The following TECPR2 variants were observed in gnomAD, a reference collection of about 807,000 sequenced individuals.
TECPR2 encodes tectonin beta-propeller repeat containing 2, also known as tectonin beta-propeller repeat-containing protein 2.
In TECPR2, 65 loss-of-function variants were observed where a neutral mutation model predicts 138.1. That is an observed-to-expected ratio of 0.47 (90% CI 0.39 to 0.58). The LOEUF (loss-of-function observed/expected upper bound fraction) is 0.58. Ranked by LOEUF, TECPR2 falls within the 20% of genes least tolerant of loss-of-function variation. The pLI, the probability that TECPR2 is intolerant of heterozygous loss-of-function variation, is 0.00. For synonymous variants in TECPR2, 746 were observed against 749.8 expected, an observed-to-expected ratio of 0.99 and a Z score of 0.08; for missense variants, 1,553 against 1,824.5, an observed-to-expected ratio of 0.85 and a Z score of 2.71.
intron 8 of TECPR2, 87 bp from the exon 9 acceptor site, chr14:102,434,148 T>C: frequency 7.0e-6 from 9 of 1,279,442 alleles, no homozygotes; most frequent in Non-Finnish European, 9.0e-6. Context: ...AAATTTTTTT[T>C]CTTGAGCCAA....
At chr14:102,396,277 AT>A (rs1461180575) in intron 2 of TECPR2, among the ~76,000 whole-genome samples, 2 of 151,686 alleles carry the variant, frequency 1.3e-5, no homozygotes, top group African/African-American at 4.8e-5. Flanking sequence ...TAGTTTTTGT[AT>A]TTTTAGTAGA....
intron 11 of TECPR2, among the ~76,000 whole-genome samples, chr14:102,442,292 T>C (rs1889856780): frequency 6.6e-6 from 1 of 152,256 alleles, no homozygotes; most frequent in Admixed American, 6.5e-5. Flanking sequence ...TTTTAATCAC[T>C]GCTGTGAGTC....
chr14:102,441,910 C>G (rs1332414845), intron 11 of TECPR2, among the ~76,000 whole-genome samples: 1 of 152,178 alleles, frequency 6.6e-6, no homozygotes, highest in Non-Finnish European at 1.5e-5. Flanking sequence ...CGTCAGTTGT[C>G]CAGAGGCCAC....
chr14:102,444,454 C>A (rs1889915691), intron 12 of TECPR2, among the ~76,000 whole-genome samples: 1 of 152,012 alleles, frequency 6.6e-6, no homozygotes, highest in African/African-American at 2.4e-5. Context: ...CCTGCCTTGG[C>A]CTCCCAAAGT....
chr14:102,498,694 A>C lies in TECPR2; in HGVS notation c.*437A>C. 1 of 412,150 alleles carries C rather than the reference A, an allele frequency of 2.4e-6. No individual in the cohort carries two copies. Among genetic ancestry groups the C allele is most frequent in the South Asian group, 2.0e-5 (1 of 50,808 alleles). 25.5% of individuals were successfully genotyped at this position (412,150 alleles called of 1,614,324 possible). ...ATGGAGCCAAAGGTCAGCTCTCTGC[A>C]GCGCGGGATGTGCTCGGTGATGGCT... On this transcript the variant is annotated 3_prime_UTR_variant, in exon 20 of 20. Coordinates refer to ENST00000359520, the MANE Select transcript of TECPR2 (RefSeq NM_014844.5).
Position 102,363,008 on chromosome 14 carries a change from C to A in TECPR2, c.-181C>A. 2 of 978,580 alleles carry A rather than the reference C, an allele frequency of 2.0e-6. No individual in the cohort carries two copies. Among genetic ancestry groups the A allele is most frequent in the South Asian group, 1.6e-5 (1 of 63,392 alleles). 60.6% of individuals were successfully genotyped at this position (978,580 alleles called of 1,614,324 possible). ...TGCTCTTCGGTGCTGGCCCCGGTGCCGGCCCCGTTGCCCAGGGAACAGGCT... is the reference window on the plus strand; with the variant it reads ...TGCTCTTCGGTGCTGGCCCCGGTGCAGGCCCCGTTGCCCAGGGAACAGGCT... On this transcript the variant is annotated 5_prime_UTR_variant, in exon 1 of 20. Transcript: ENST00000359520.
chr14:102,442,981 A>G (rs1391441475), intron 11 of TECPR2, among the ~76,000 whole-genome samples: 8 of 152,242 alleles, frequency 5.3e-5, no homozygotes, highest in African/African-American at 9.6e-5. Context: ...ACTGCCTTGC[A>G]GTTTGACAGA....
intron 16 of TECPR2, among the ~76,000 whole-genome samples, chr14:102,458,331 G>A (rs1821148075): frequency 6.6e-6 from 1 of 152,162 alleles, no homozygotes; most frequent in South Asian, 2.1e-4. Context: ...TTGCTGTACT[G>A]CAGTAGCTGC....
At chr14:102,423,664 C>T (rs898508753) in intron 5 of TECPR2, among the ~76,000 whole-genome samples, 8 of 152,074 alleles carry the variant, frequency 5.3e-5, no homozygotes, top group Non-Finnish European at 7.4e-5. Context: ...GTTCACACAA[C>T]GAAGACATCG....
At chr14:102,371,831 T>A (rs1253307373) in intron 1 of TECPR2, among the ~76,000 whole-genome samples, 1 of 152,192 alleles carries the variant, frequency 6.6e-6, no homozygotes, top group Non-Finnish European at 1.5e-5. Context: ...TCACTAAAAA[T>A]CACATTCTAG....
intron 10 of TECPR2, among the ~76,000 whole-genome samples, chr14:102,439,116 A>G (rs3783377): frequency 0.042 from 6,344 of 152,002 alleles, 158 homozygotes; most frequent in Middle Eastern, 0.092. Context: ...CGCCCGCCTC[A>G]GCCTCCCAAA....
chr14:102,494,493 A>C (rs1891230612), intron 17 of TECPR2, among the ~76,000 whole-genome samples: 2 of 151,848 alleles, frequency 1.3e-5, no homozygotes, highest in Admixed American at 6.6e-5. Context: ...CAGTGAGCCA[A>C]GATCACGCCA....
chr14:102,436,137 GA>G (rs536373368), intron 9 of TECPR2, among the ~76,000 whole-genome samples: 12 of 152,134 alleles, frequency 7.9e-5, no homozygotes, highest in Admixed American at 3.3e-4. Flanking sequence ...CCATTTTACA[GA>G]GGAGAAAATG....
At chr14:102,408,460 T>G (rs1449784839) in intron 3 of TECPR2, 28 bp from the exon 4 acceptor site, 3 of 1,580,776 alleles carry the variant, frequency 1.9e-6, no homozygotes, top group Non-Finnish European at 2.6e-6. Flanking sequence ...TTTTTTTTCT[T>G]GTGTATATTT....
At position 102,426,166 on chromosome 14, in the gene TECPR2, G is replaced by A. The variant is rs569387539; in HGVS notation, c.951+875G>A. ...CTCCCAAAGTGCTGGGGTTACAGGC[G>A]TGAACCGCCGCGCCCGGCCGCCACT... is the stretch of plus-strand genomic sequence containing the variant. On this transcript the variant is annotated intron_variant, in intron 6 of 19. Transcript: ENST00000359520. Among the ~76,000 whole-genome samples the A allele has an allele frequency of 3.2e-3, 487 of 151,806 alleles. 2 individuals are homozygous for A. Among genetic ancestry groups the A allele is most frequent in the African/African-American group, 0.011 (464 of 41,430 alleles).
chr14:102,438,262 C>T, intron 10 of TECPR2, 57 bp downstream of exon 10: 4 of 1,550,472 alleles, frequency 2.6e-6, no homozygotes, highest in Non-Finnish European at 3.5e-6. Context: ...CTCCTGCTCC[C>T]CGCCCCCGGG....
chr14:102,497,591 C>T lies in TECPR2; in HGVS notation c.3953C>T (p.Ala1318Val), dbSNP rs769474613. ...HVPGLQACQLALSTRTVWARC... is the reference protein window; with the variant it reads ...HVPGLQACQLVLSTRTVWARC... ...ACAGGGTTGCAGGCCTGCCAGCTGGCGCTGAGCACCAGGACCGTGTGGGCC... is the reference window on the plus strand; with the variant it reads ...ACAGGGTTGCAGGCCTGCCAGCTGGTGCTGAGCACCAGGACCGTGTGGGCC... Residue 1318 changes from alanine (A) to valine (V), a missense_variant, in exon 19 of 20, where the codon GCG becomes GTG. Physicochemically the swap from Ala to Val is moderately conservative, Grantham distance 64. Coordinates refer to ENST00000359520, the MANE Select transcript of TECPR2 (RefSeq NM_014844.5). The T allele has an allele frequency of 5.6e-6, 9 of 1,603,530 alleles. No individual in the cohort carries two copies. Among genetic ancestry groups the T allele is most frequent in the East Asian group, 2.3e-5 (1 of 44,390 alleles).
intron 4 of TECPR2, among the ~76,000 whole-genome samples, chr14:102,411,844 G>T (rs1888881764): frequency 6.6e-6 from 1 of 151,294 alleles, no homozygotes; most frequent in African/African-American, 2.4e-5. Context: ...GGAGTATTTT[G>T]ATAGCCTTTT....
Position 102,424,966 on chromosome 14 carries a change from C to A in TECPR2, c.639-13C>A, listed in dbSNP as rs774261894. 3 of 1,592,796 alleles carry A rather than the reference C, an allele frequency of 1.9e-6. No individual in the cohort carries two copies. Among genetic ancestry groups the A allele is most frequent in the African/African-American group, 1.4e-5 (1 of 73,950 alleles). On this transcript the variant is annotated splice_polypyrimidine_tract_variant and intron_variant, in intron 5 of 19. Transcript: ENST00000359520. ...TCTGTTTTTTGTTCTTTCTTTCTTT[C>A]TTCTAATTTTAGTACTGGGAAATTT...
Sources: allele counts gnomAD v4.1 joint callset (sites outside exome capture counted in the v4.1 genomes callset), GRCh38; gene constraint gnomAD v4.1.1; transcripts MANE v1.5; gene names NCBI Gene and HGNC (gene_info 2026-07-23, HGNC 2026-07-21).